Variants in TRAK2 observed in about 807,000 individuals in gnomAD.
TRAK2 encodes the protein trafficking kinesin-binding protein 2.
TRAK2 carries 81 observed loss-of-function variants against 104.6 expected under a neutral mutation model. The observed-to-expected ratio is 0.77, with a 90% confidence interval of 0.65 to 0.93. The LOEUF is 0.93. TRAK2 is among the 40% of genes least tolerant of loss of function. The pLI is 0.00. For missense variants in TRAK2, 1,002 were observed against 1,089.0 expected, an observed-to-expected ratio of 0.92 and a Z score of 1.12; for synonymous variants, 406 against 394.4, an observed-to-expected ratio of 1.03 and a Z score of -0.35.
chr2:201,401,037 A>G lies in TRAK2; in HGVS notation c.344T>C (p.Val115Ala). The change falls in exon 4 of 16, where the codon GTT (valine) becomes GCT (alanine). Residue 115 changes from valine to alanine, a missense_variant. Coordinates refer to ENST00000332624, the MANE Select transcript of TRAK2 (RefSeq NM_015049.3). ...MTKTYNDIDM[V>A]THLLAERDRD... ...TCCTACCTCTGCCAGGAGATGTGTA[A>G]CCATGTCGATGTCATTGTAAGTTTT... 1 of 1,611,668 alleles carries G rather than the reference A, an allele frequency of 6.2e-7. No homozygotes were observed. The highest frequency in any genetic ancestry group is 8.5e-7 in the Non-Finnish European group (1 of 1,178,306).
At chr2:201,392,333 C>G (rs1368840332) in intron 10 of TRAK2, among the ~76,000 whole-genome samples, 1 of 152,068 alleles carries the variant, frequency 6.6e-6, no homozygotes, top group Non-Finnish European at 1.5e-5. Context: ...TAGTTTCAGT[C>G]TTTTAAAAAA....
At chr2:201,394,494 C>G (rs1951480111) in intron 9 of TRAK2, among the ~76,000 whole-genome samples, 1 of 152,064 alleles carries the variant, frequency 6.6e-6, no homozygotes, top group Non-Finnish European at 1.5e-5. Context: ...ATGCCCACCA[C>G]CATGCCCAGC....
chr2:201,391,685 C>A (rs1241710589), intron 10 of TRAK2, among the ~76,000 whole-genome samples: 1 of 152,132 alleles, frequency 6.6e-6, no homozygotes, highest in African/African-American at 2.4e-5. Flanking sequence ...ACCAAGAGAT[C>A]AAAGTTAATT....
intron 2 of TRAK2, chr2:201,410,576 C>T: frequency 8.1e-7 from 1 of 1,237,712 alleles, no homozygotes; most frequent in Non-Finnish European, 1.2e-6. Context: ...TCATTGCTAG[C>T]TGAACTGCTA....
At chr2:201,415,236 A>G (rs917682904) in intron 2 of TRAK2, among the ~76,000 whole-genome samples, 50 of 152,188 alleles carry the variant, frequency 3.3e-4, no homozygotes, top group Non-Finnish European at 1.6e-4. Context: ...TAACCTTATC[A>G]GCAAATAACT....
At chr2:201,440,766 G>A (rs1951914438) in intron 1 of TRAK2, among the ~76,000 whole-genome samples, 1 of 152,190 alleles carries the variant, frequency 6.6e-6, no homozygotes, top group Admixed American at 6.5e-5. Context: ...GCTTGTGGGA[G>A]TCATATCCTA....
intron 1 of TRAK2, among the ~76,000 whole-genome samples, chr2:201,422,731 C>T (rs753063388): frequency 1.3e-5 from 2 of 151,940 alleles, no homozygotes; most frequent in Non-Finnish European, 2.9e-5. Flanking sequence ...TTTCCAGAAA[C>T]CAGTTCAGCC....
rs67833976 is a variant in TRAK2 at position 201,395,138 on chromosome 2, GTATT to G, written c.900+172_900+175del. 2.9e-3 allele frequency: 1,862 copies of G among 635,670 alleles called. 32 individuals carry two copies. In the African/African-American group the frequency reaches 0.03, roughly 10 times the overall value. 39.4% of individuals were successfully genotyped at this position (635,670 alleles called of 1,614,324 possible). On this transcript the variant is annotated intron_variant, in intron 8 of 15. Coordinates refer to ENST00000332624, the MANE Select transcript of TRAK2 (RefSeq NM_015049.3). ...TACAAAGAGAAATAATGACTTGAAAGTATTTATTCATGATATCTTATATGACATA... is the reference window on the plus strand; with the variant it reads ...TACAAAGAGAAATAATGACTTGAAAGTATTCATGATATCTTATATGACATA...
intron 1 of TRAK2, among the ~76,000 whole-genome samples, chr2:201,444,188 G>A (rs1031224369): frequency 1.3e-5 from 2 of 152,014 alleles, no homozygotes; most frequent in South Asian, 4.2e-4. Flanking sequence ...GTGACAGAGT[G>A]AGACTCTGTC....
Position 201,447,438 on chromosome 2 carries a change from C to A in TRAK2, c.-200+3912G>T, listed in dbSNP as rs1951972913. On this transcript the variant is annotated intron_variant, in intron 1 of 15. Transcript: ENST00000332624. This position sits in a 1 kb window ranked among gnomAD's most constrained non-coding sequence, Gnocchi z 4.1. ...TTGCTAGGGGTTCCATAAAAAACTA[C>A]CACAGACTGGGTGGCTTCAACAACA... 6.6e-6 allele frequency among the ~76,000 whole-genome samples: 1 copy of A among 152,156 alleles called. No homozygotes were observed. Among genetic ancestry groups the A allele is most frequent in the South Asian group, 2.1e-4 (1 of 4,830 alleles).
intron 1 of TRAK2, among the ~76,000 whole-genome samples, chr2:201,422,408 T>C (rs1479414151): frequency 1.3e-5 from 2 of 152,234 alleles, no homozygotes; most frequent in East Asian, 3.8e-4. Context: ...ATTTGATTTA[T>C]ATCAAGACAG....
intron 7 of TRAK2, among the ~76,000 whole-genome samples, chr2:201,396,450 G>T (rs1951502543): frequency 1.3e-5 from 2 of 152,022 alleles, no homozygotes; most frequent in South Asian, 4.1e-4. Flanking sequence ...CCTCTTATCT[G>T]TCGGGAATAC....
chr2:201,435,718 G>A (rs1264272393), intron 1 of TRAK2, among the ~76,000 whole-genome samples: 1 of 152,132 alleles, frequency 6.6e-6, no homozygotes, highest in Non-Finnish European at 1.5e-5. Flanking sequence ...TTTTGTTTGG[G>A]AAAAGACTTG....
At chr2:201,410,689 A>C in intron 2 of TRAK2, 4 of 1,336,190 alleles carry the variant, frequency 3.0e-6, no homozygotes, top group South Asian at 1.2e-5. Flanking sequence ...CTGTGTTCCC[A>C]TTACTGAACT....
At chr2:201,396,942 A>G (rs1054736084) in intron 7 of TRAK2, among the ~76,000 whole-genome samples, 12 of 152,234 alleles carry the variant, frequency 7.9e-5, no homozygotes, top group African/African-American at 2.9e-4. Context: ...AGAAACAATG[A>G]GAAGTGAAAC....
At chr2:201,442,380 C>T (rs953310381) in intron 1 of TRAK2, among the ~76,000 whole-genome samples, 3 of 129,698 alleles carry the variant, frequency 2.3e-5, no homozygotes, top group Non-Finnish European at 5.3e-5. Context: ...GACAGCAAGA[C>T]TCCATCTCAA....
chr2:201,450,338 C>A (rs1952017407), intron 1 of TRAK2, among the ~76,000 whole-genome samples: 6 of 151,950 alleles, frequency 3.9e-5, no homozygotes. Flanking sequence ...TCGCTTGAAT[C>A]CGGGAGGCGG....
intron 14 of TRAK2, among the ~76,000 whole-genome samples, chr2:201,385,428 G>T (rs1359843771): frequency 6.6e-6 from 1 of 151,394 alleles, no homozygotes; most frequent in Non-Finnish European, 1.5e-5. Flanking sequence ...TGCCCACCTC[G>T]ATCTCCCAAA....
chr2:201,409,838 C>T (rs1951628491), intron 2 of TRAK2, among the ~76,000 whole-genome samples: 1 of 152,134 alleles, frequency 6.6e-6, no homozygotes, highest in African/African-American at 2.4e-5. Flanking sequence ...GACTGTGTAC[C>T]ATGTGGTACT....
Sources: gnomAD v4.1 joint callset for allele counts (sites outside exome capture counted in the v4.1 genomes callset) on GRCh38, gnomAD v4.1.1 for gene constraint, Gnocchi (gnomAD v3.1) non-coding constraint, MANE v1.5 for transcripts, NCBI Gene and HGNC (gene_info 2026-07-23, HGNC 2026-07-21) for gene names.